PIAS3: variants seen among roughly 807,000 people sequenced by gnomAD.
The protein encoded by PIAS3 is protein inhibitor of activated STAT 3, also known as E3 SUMO-protein ligase PIAS3.
In PIAS3, 34 loss-of-function variants were observed where a neutral mutation model predicts 67.6. That is an observed-to-expected ratio of 0.50 (90% CI 0.38 to 0.67). The LOEUF (loss-of-function observed/expected upper bound fraction) is 0.67, where lower values mean the gene tolerates loss of function less well. Among genes scored for constraint, PIAS3 ranks in the 30% least tolerant of loss-of-function variants. PIAS3 has a pLI of 0.00. For missense variants in PIAS3, 693 were observed against 791.6 expected (o/e 0.88, Z 1.49); for synonymous variants, 341 against 313.8 (o/e 1.09, Z -0.92).
At chr1:145,851,189 G>A in intron 9 of PIAS3, 36 bp from the exon 10 acceptor site, 1 of 1,610,140 alleles carries the variant, frequency 6.2e-7, no homozygotes, top group African/African-American at 1.3e-5. Flanking sequence ...CACGGGGCTG[G>A]GAGATGAGCA....
intron 9 of PIAS3, among the ~76,000 whole-genome samples, chr1:145,852,637 C>A (rs10910828): frequency 2.0e-5 from 3 of 151,422 alleles, no homozygotes; most frequent in African/African-American, 7.3e-5. Flanking sequence ...GTTGCCCAGG[C>A]TGGGGTGCAG....
chr1:145,854,324 G>T (rs78654471), intron 7 of PIAS3, 134 bp downstream of exon 7: 1 of 666,434 alleles, frequency 1.5e-6, no homozygotes, highest in Non-Finnish European at 2.7e-6. Context: ...CAGGGGTAGA[G>T]GGGGAGGGTT....
At position 145,855,688 on chromosome 1, in the gene PIAS3, A is replaced by T. The variant is rs782698359; in HGVS notation, c.669+48T>A. The T allele has an allele frequency of 1.2e-5, 12 of 983,024 alleles. 2 individuals carry two copies. The South Asian group carries it at 1.6e-4, about 13-fold the overall frequency. The allele number at this position is 983,024 out of a possible 1,614,324, so 60.9% of individuals were successfully genotyped here. A position where few individuals can be genotyped will look rare whatever the true frequency, so the allele number is the denominator to read the frequency against. ...AATAGGTTTGTAGTTAATATTTATG[A>T]ACTGAAACGGTAAGGGATTACTGAC... On this transcript the variant is annotated intron_variant, in intron 5 of 13. Transcript: ENST00000393045.
chr1:145,850,666 T>C, intron 11 of PIAS3, 80 bp from the exon 12 acceptor site: 1 of 1,596,260 alleles, frequency 6.3e-7, no homozygotes. Context: ...TCCCTCTCTG[T>C]CCCCTCCACA....
In PIAS3 at chr1:145,851,909, G is replaced by A. The variant is rs1476819989; in HGVS notation, c.1146-756C>T. Among the ~76,000 whole-genome samples, 8 of 149,488 alleles carry A rather than the reference G, an allele frequency of 5.4e-5. No individual in the cohort carries two copies. In the East Asian group the frequency reaches 7.8e-4, roughly 15 times the overall value. On this transcript the variant is annotated intron_variant, in intron 9 of 13. Coordinates refer to ENST00000393045, the MANE Select transcript of PIAS3 (RefSeq NM_006099.3). The stretch of plus-strand genomic sequence containing the variant: ...CAGAGGTTGCATGAGCTGAGATCAC[G>A]AGACTGTGCCATACCACTCCAGCCT...
intron 8 of PIAS3, 67 bp from the exon 9 acceptor site, chr1:145,853,731 G>C: frequency 6.2e-7 from 1 of 1,605,578 alleles, no homozygotes; most frequent in Non-Finnish European, 8.5e-7. Context: ...CTTCACGCCA[G>C]TATCCCTAGG....
At position 145,848,679 on chromosome 1, in the gene PIAS3, A is replaced by AG. The variant is rs1652831477; in HGVS notation, c.*766dup. The AG allele has an allele frequency of 1.8e-6, 1 of 564,480 alleles. No individual in the cohort carries two copies. The highest frequency in any genetic ancestry group is 1.9e-5 in the African/African-American group (1 of 53,128). The allele number at this position is 564,480 out of a possible 1,614,324, so 35.0% of individuals were successfully genotyped here. ...CACCTCCCTGGAAAGGTGCAGAATG[A>AG]GCCAGGCCTAACTACAGGGCCATGA... is the stretch of plus-strand genomic sequence containing the variant. On this transcript the variant is annotated 3_prime_UTR_variant, in exon 14 of 14. Coordinates refer to ENST00000393045, the MANE Select transcript of PIAS3 (RefSeq NM_006099.3).
rs782266861 is a variant in PIAS3 at position 145,849,410 on chromosome 1, G to A, written c.*36C>T. On this transcript the variant is annotated 3_prime_UTR_variant, in exon 14 of 14. Coordinates refer to ENST00000393045, the MANE Select transcript of PIAS3 (RefSeq NM_006099.3). ...GGACTCCACAGCATACTTGCTCAGT[G>A]TTGGGGGACAGCGAAGTTTCCATAA... 1.4e-6 allele frequency: 2 copies of A among 1,477,164 alleles called. No individual in the cohort carries two copies. The highest frequency in any genetic ancestry group is 1.4e-5 in the South Asian group (1 of 70,810). The allele number at this position is 1,477,164 out of a possible 1,614,324, so 91.5% of individuals were successfully genotyped here.
Position 145,853,532 on chromosome 1 carries a change from C to T in PIAS3, c.1117G>A (p.Ala373Thr). ...TWTCPVCDKK[A>T]PYESLIIDGL... The stretch of plus-strand genomic sequence containing the variant: ...TCAATGATAAGAGATTCATAGGGAG[C>T]CTTCTTGTCACACACAGGACATGTC... The change falls in exon 9 of 14, where the codon GCT (alanine) becomes ACT (threonine). Residue 373 changes from alanine to threonine, a missense_variant. By Grantham distance (58) the Ala-to-Thr change is moderately conservative (BLOSUM62 0). Around this residue, in one of 3 missense-constraint regions of PIAS3, gnomAD observed 115 missense variants for 181.8 expected, o/e 0.63. Transcript: ENST00000393045. 2 of 1,612,980 alleles carry T rather than the reference C, an allele frequency of 1.2e-6. No homozygotes were observed. The highest frequency in any genetic ancestry group is 1.7e-5 in the Admixed American group (1 of 59,890).
At chr1:145,851,329 A>G (rs782166763) in intron 9 of PIAS3, 176 bp from the exon 10 acceptor site, 28 of 677,056 alleles carry the variant, frequency 4.1e-5, no homozygotes, top group Non-Finnish European at 7.0e-5. Flanking sequence ...TATGTAAAAG[A>G]GCTTTGCAAA....
rs782600165 is a variant in PIAS3, at chr1:145,854,774, A to C, written c.776T>G (p.Val259Gly). The change falls in exon 6 of 14, where the codon GTG (valine) becomes GGG (glycine). Residue 259 changes from valine (V) to glycine (G), a missense_variant. Physicochemically the swap from Val to Gly is moderately radical, Grantham distance 109. Coordinates refer to ENST00000393045, the MANE Select transcript of PIAS3 (RefSeq NM_006099.3). Reference sequence around the variant, plus strand: ...TCCGAACTCAGATGACCAATTGACCACAATGGTGTTGGGAACAGTGGCTGA... The same window carrying C: ...TCCGAACTCAGATGACCAATTGACCCCAATGGTGTTGGGAACAGTGGCTGA... ...RLSATVPNTI[V>G]VNWSSEFGRN... is the part of the protein sequence containing the mutation. The C allele has an allele frequency of 1.9e-6, 3 of 1,614,004 alleles. No individual in the cohort carries two copies. The Admixed American group carries it at 5.0e-5, about 27-fold the overall frequency.
At chr1:145,853,478 G>A (rs375426554) in intron 9 of PIAS3, 26 bp downstream of exon 9, 2 of 1,564,096 alleles carry the variant, frequency 1.3e-6, no homozygotes, top group Non-Finnish European at 1.7e-6. Flanking sequence ...GGATGTCCTA[G>A]GTAAGAGGAA....
chr1:145,851,075 C>T lies in PIAS3; in HGVS notation c.1224G>A (p.Met408Ile). ...CCTCAGATGCCTCCTTCTTGGGTTT[C>T]ATTGGGCACCAGGATCCATCTTCCA... ...QFMEDGSWCP[M>I]KPKKEASEVC... Residue 408 changes from methionine (M) to isoleucine (I), a missense_variant, in exon 10 of 14, where the codon ATG (methionine) becomes ATA (isoleucine). Coordinates refer to ENST00000393045, the MANE Select transcript of PIAS3 (RefSeq NM_006099.3). 6.2e-7 allele frequency: 1 copy of T among 1,614,190 alleles called. No individual in the cohort carries two copies. Among genetic ancestry groups the T allele is most frequent in the Non-Finnish European group, 8.5e-7 (1 of 1,180,020 alleles).
At chr1:145,854,902 C>T (rs782252630) in intron 5 of PIAS3, 22 bp from the exon 6 acceptor site, 1 of 1,613,600 alleles carries the variant, frequency 6.2e-7, no homozygotes, top group South Asian at 1.1e-5. Flanking sequence ...AGGGATTGGT[C>T]AGTGGAGAAG....
intron 9 of PIAS3, among the ~76,000 whole-genome samples, chr1:145,851,591 G>T (rs1553734381): frequency 6.7e-6 from 1 of 150,068 alleles, no homozygotes; most frequent in Non-Finnish European, 1.5e-5. Flanking sequence ...AGGAGGCAGA[G>T]GTTGCAGTGA....
intron 2 of PIAS3, 62 bp from the exon 3 acceptor site, chr1:145,856,493 C>T (rs782140788): frequency 3.1e-6 from 5 of 1,598,332 alleles, no homozygotes; most frequent in African/African-American, 1.3e-5. Flanking sequence ...AAATCGCCCC[C>T]ATCCCAGGTC....
intron 9 of PIAS3, 75 bp from the exon 10 acceptor site, chr1:145,851,228 C>T (rs1156619876): frequency 1.4e-6 from 2 of 1,426,788 alleles, no homozygotes; most frequent in Admixed American, 3.4e-5. Flanking sequence ...TGTAACTCAC[C>T]TTCCTGTATC....
At chr1:145,852,023 C>A (rs1652984731) in intron 9 of PIAS3, among the ~76,000 whole-genome samples, 1 of 150,876 alleles carries the variant, frequency 6.6e-6, no homozygotes, top group Admixed American at 6.6e-5. Flanking sequence ...GGAGCAGAGA[C>A]ACAGAAGTCC....
rs587690671 is a variant in PIAS3 at position 145,851,571 on chromosome 1, G to A, written c.1146-418C>T. Among the ~76,000 whole-genome samples, 10 of 148,586 alleles carry A rather than the reference G, an allele frequency of 6.7e-5. No individual in the cohort carries two copies. The South Asian group carries it at 1.1e-3, about 16-fold the overall frequency. On this transcript the variant is annotated intron_variant, in intron 9 of 13. Transcript: ENST00000393045. The stretch of plus-strand genomic sequence containing the variant: ...CTTAGGAGGCTGAGGCACGAGAATC[G>A]CTTGAACCCAGGAGGCAGAGGTTGC...
Sources: gnomAD v4.1 joint callset for allele counts (sites outside exome capture counted in the v4.1 genomes callset) on GRCh38, gnomAD v4.1.1 for gene constraint, gnomAD v4.1.1 regional missense constraint, MANE v1.5 for transcripts, NCBI Gene and HGNC (gene_info 2026-07-23, HGNC 2026-07-21) for gene names.